KLHL2: variants seen among roughly 807,000 people sequenced by gnomAD.
KLHL2 encodes the protein kelch like family member 2.
KLHL2 carries 15 observed loss-of-function variants against 75.8 expected under a neutral mutation model. That is an observed-to-expected ratio of 0.20 (90% CI 0.13 to 0.30). The LOEUF (loss-of-function observed/expected upper bound fraction) is 0.30. Among genes scored for constraint, KLHL2 ranks in the 10% least tolerant of loss-of-function variants. KLHL2 has a pLI of 1.00. For missense variants in KLHL2, 381 were observed against 741.0 expected (o/e 0.51, Z 5.64); for synonymous variants, 214 against 251.9 (o/e 0.85, Z 1.42).
chr4:165,251,484 A>G (rs1454548191), intron 4 of KLHL2, among the ~76,000 whole-genome samples: 1 of 152,160 alleles, frequency 6.6e-6, no homozygotes, highest in Non-Finnish European at 1.5e-5. Context: ...ATAGAATAAA[A>G]AAAGTCTTAT....
intron 1 of KLHL2, chr4:165,210,178 T>C: frequency 6.4e-7 from 1 of 1,551,632 alleles, no homozygotes; most frequent in Non-Finnish European, 8.7e-7. Context: ...AGATTCTCTT[T>C]GTGTAAGTGT....
intron 13 of KLHL2, 66 bp downstream of exon 13, chr4:165,314,232 C>CT: frequency 7.3e-7 from 1 of 1,362,804 alleles, no homozygotes; most frequent in Non-Finnish European, 1.0e-6. Context: ...TGGTATCACT[C>CT]TATCAATGAA....
chr4:165,261,346 A>ATTTTTTTT (rs200714011), intron 4 of KLHL2, among the ~76,000 whole-genome samples: 5 of 151,698 alleles, frequency 3.3e-5, no homozygotes, highest in African/African-American at 9.7e-5. Context: ...TTCTATTTTT[A>ATTTTTTTT]TTTTTATTTT....
At chr4:165,233,566 A>C (rs890688242) in intron 3 of KLHL2, among the ~76,000 whole-genome samples, 1 of 152,182 alleles carries the variant, frequency 6.6e-6, no homozygotes, top group Non-Finnish European at 1.5e-5. Flanking sequence ...GATTTTAAAA[A>C]GCTATATACA....
chr4:165,240,796 C>T (rs371755548), intron 4 of KLHL2, among the ~76,000 whole-genome samples: 4 of 152,278 alleles, frequency 2.6e-5, no homozygotes, highest in Admixed American at 6.5e-5. Flanking sequence ...TAATGGGCCA[C>T]ATGGGAGAAA....
At chr4:165,273,919 T>C (rs1156616177) in intron 5 of KLHL2, among the ~76,000 whole-genome samples, 3 of 152,224 alleles carry the variant, frequency 2.0e-5, no homozygotes, top group East Asian at 1.9e-4. Flanking sequence ...AACAAATAAT[T>C]GTTGTTTAGG....
At chr4:165,226,924 A>C (rs1356702916) in intron 2 of KLHL2, among the ~76,000 whole-genome samples, 1 of 152,240 alleles carries the variant, frequency 6.6e-6, no homozygotes, top group East Asian at 1.9e-4. Context: ...TTTGGGGATA[A>C]AAATAATACC....
At chr4:165,229,135 T>G (rs1387076939) in intron 3 of KLHL2, among the ~76,000 whole-genome samples, 1 of 152,248 alleles carries the variant, frequency 6.6e-6, no homozygotes, top group Non-Finnish European at 1.5e-5. Flanking sequence ...ATGCTCAACT[T>G]TCTCCCTGTA....
intron 5 of KLHL2, among the ~76,000 whole-genome samples, chr4:165,277,369 T>G (rs192421698): frequency 0.013 from 1,925 of 152,332 alleles, 43 homozygotes; most frequent in African/African-American, 0.043. Context: ...ATTTCAGTTT[T>G]GGCAAATACT....
chr4:165,210,191 GTT>G, intron 1 of KLHL2: 1 of 1,551,262 alleles, frequency 6.4e-7, no homozygotes, highest in South Asian at 1.2e-5. Context: ...GTAAGTGTCT[GTT>G]TATTAATTCA....
chr4:165,210,629 G>T (rs1265064988), intron 1 of KLHL2, among the ~76,000 whole-genome samples: 2 of 152,158 alleles, frequency 1.3e-5, no homozygotes, highest in East Asian at 3.8e-4. Context: ...GTAACTAAAA[G>T]ATGTAGCTTA....
chr4:165,321,132 T>C (rs1054405211), intron 14 of KLHL2, among the ~76,000 whole-genome samples: 1 of 152,200 alleles, frequency 6.6e-6, no homozygotes, highest in Non-Finnish European at 1.5e-5. Flanking sequence ...GAAACATTTT[T>C]AGAGAAATGA....
intron 5 of KLHL2, among the ~76,000 whole-genome samples, chr4:165,277,024 T>C (rs1743175105): frequency 6.6e-6 from 1 of 152,194 alleles, no homozygotes; most frequent in Non-Finnish European, 1.5e-5. Flanking sequence ...TTTATGGACA[T>C]AAAACATAAA....
intron 5 of KLHL2, among the ~76,000 whole-genome samples, chr4:165,286,687 G>A (rs1222185213): frequency 3.9e-5 from 6 of 152,226 alleles, no homozygotes; most frequent in African/African-American, 1.2e-4. Flanking sequence ...ACATAAAGAT[G>A]TGAGTGTGCA....
intron 1 of KLHL2, among the ~76,000 whole-genome samples, chr4:165,216,268 T>C (rs1737536369): frequency 6.6e-6 from 1 of 152,182 alleles, no homozygotes; most frequent in African/African-American, 2.4e-5. Flanking sequence ...GCTGGGAATT[T>C]GCAGAAGTCA....
intron 1 of KLHL2, chr4:165,219,656 A>G (rs1436730851): frequency 2.0e-5 from 23 of 1,157,938 alleles, no homozygotes; most frequent in Non-Finnish European, 2.2e-5. Context: ...TTATTTGGAG[A>G]TATCTGCTAA....
At chr4:165,309,827 G>A (rs1255859800) in intron 9 of KLHL2, among the ~76,000 whole-genome samples, 1 of 152,162 alleles carries the variant, frequency 6.6e-6, no homozygotes, top group Non-Finnish European at 1.5e-5. Flanking sequence ...CCACTAACAT[G>A]ATAAACTAGG....
intron 7 of KLHL2, 48 bp from the exon 8 acceptor site, chr4:165,299,459 T>G (rs781416865): frequency 1.4e-6 from 2 of 1,480,788 alleles, no homozygotes; most frequent in South Asian, 2.8e-5. Context: ...GCAATTTAAT[T>G]ATGAAATAGC....
intron 1 of KLHL2, among the ~76,000 whole-genome samples, chr4:165,213,521 C>G (rs1428269253): frequency 3.3e-5 from 5 of 152,342 alleles, no homozygotes; most frequent in African/African-American, 1.2e-4. Flanking sequence ...GGAGCCCCAT[C>G]TCCTTCACCA....
Sources: allele counts gnomAD v4.1 joint callset (sites outside exome capture counted in the v4.1 genomes callset), GRCh38; gene constraint gnomAD v4.1.1; transcripts MANE v1.5; gene names NCBI Gene and HGNC (gene_info 2026-07-23, HGNC 2026-07-21).